CFAP54: variants seen among roughly 807,000 people sequenced by gnomAD.
CFAP54 encodes the protein cilia and flagella associated protein 54.
CFAP54 carries 290 observed loss-of-function variants against 370.4 expected under a neutral mutation model. The observed-to-expected ratio is 0.78, with a 90% CI of 0.71 to 0.86. The LOEUF (loss-of-function observed/expected upper bound fraction) is 0.86. Among genes scored for constraint, CFAP54 ranks in the 40% least tolerant of loss-of-function variants. The pLI, the probability that CFAP54 is intolerant of heterozygous loss-of-function variation, is 0.00. For missense variants in CFAP54, 3,399 were observed against 3,528.7 expected (o/e 0.96, Z 0.93); for synonymous variants, 1,206 against 1,236.5 (o/e 0.98, Z 0.52).
In CFAP54 at chr12:96,724,410, A is replaced by G. The variant is rs1386672433; in HGVS notation, c.6965+3845A>G. ...GTATCTCATTGTGGTTTTGATTTGC[A>G]TTTTTCTGATGGCCAGTGATGATGA... On this transcript the variant is annotated intron_variant, in intron 50 of 67. Transcript: ENST00000524981. Among the ~76,000 whole-genome samples the G allele has an allele frequency of 1.1e-4, 16 of 151,708 alleles. No individual in the cohort carries two copies. In the South Asian group the frequency reaches 2.1e-3, roughly 20 times the overall value.
intron 39 of CFAP54, among the ~76,000 whole-genome samples, chr12:96,664,769 ATC>A (rs1478603239): frequency 0.33 from 12,770 of 38,138 alleles, 1,135 homozygotes; most frequent in Admixed American, 0.37. Context: ...ATATATCTAT[ATC>A]TATATCTATA....
intron 65 of CFAP54, among the ~76,000 whole-genome samples, chr12:96,828,036 T>C (rs1233276497): frequency 7.9e-6 from 1 of 126,878 alleles, no homozygotes. Flanking sequence ...TAATATATAA[T>C]ATATAATTAT....
intron 19 of CFAP54, among the ~76,000 whole-genome samples, chr12:96,568,898 A>G (rs1955886661): frequency 6.7e-6 from 1 of 150,332 alleles, no homozygotes. Context: ...TCCAAGTGAG[A>G]TGACTGGCTT....
chr12:96,597,290 C>T (rs1956190313), intron 25 of CFAP54, among the ~76,000 whole-genome samples: 1 of 151,892 alleles, frequency 6.6e-6, no homozygotes, highest in African/African-American at 2.4e-5. Context: ...CTAGTTCCAC[C>T]TCTTGGTTCC....
intron 26 of CFAP54, among the ~76,000 whole-genome samples, chr12:96,613,936 AAGG>A (rs202092549): frequency 0.096 from 14,580 of 152,184 alleles, 842 homozygotes; most frequent in South Asian, 0.24. Flanking sequence ...CCAGAGGTAC[AAGG>A]AGGAGCGGGT....
intron 20 of CFAP54, among the ~76,000 whole-genome samples, chr12:96,579,465 C>T (rs1033593386): frequency 6.6e-6 from 1 of 152,156 alleles, no homozygotes; most frequent in East Asian, 1.9e-4. Flanking sequence ...TTGAGAACCA[C>T]TTGTGTCAAT....
intron 67 of CFAP54, among the ~76,000 whole-genome samples, chr12:96,865,563 A>T (rs1039551494): frequency 6.6e-6 from 1 of 152,178 alleles, no homozygotes; most frequent in Non-Finnish European, 1.5e-5. Flanking sequence ...GATGAAATCT[A>T]GGGAAAATGC....
intron 32 of CFAP54, among the ~76,000 whole-genome samples, chr12:96,638,513 C>A (rs369292200): frequency 6.6e-6 from 1 of 152,060 alleles, no homozygotes; most frequent in African/African-American, 2.4e-5. Flanking sequence ...GCTGGGATTA[C>A]AGGCATGAGC....
At chr12:96,675,683 C>A (rs1178589036) in intron 39 of CFAP54, among the ~76,000 whole-genome samples, 1 of 152,064 alleles carries the variant, frequency 6.6e-6, no homozygotes, top group Non-Finnish European at 1.5e-5. Flanking sequence ...GACTTGGAAC[C>A]AAGCCAAATA....
At chr12:96,658,742 T>A (rs1956954618) in intron 38 of CFAP54, among the ~76,000 whole-genome samples, 1 of 151,970 alleles carries the variant, frequency 6.6e-6, no homozygotes, top group Non-Finnish European at 1.5e-5. Flanking sequence ...ATTCAGTCTG[T>A]GGCTCTAAGT....
At chr12:96,693,504 G>A (rs1957410469) in intron 44 of CFAP54, among the ~76,000 whole-genome samples, 1 of 152,086 alleles carries the variant, frequency 6.6e-6, no homozygotes, top group South Asian at 2.1e-4. Flanking sequence ...GCATCTACTG[G>A]GAACTGTAAG....
At chr12:96,771,829 C>G (rs572486478) in intron 60 of CFAP54, among the ~76,000 whole-genome samples, 2 of 152,194 alleles carry the variant, frequency 1.3e-5, no homozygotes, top group African/African-American at 4.8e-5. Context: ...CAAAGGGATC[C>G]TTCTCCATGC....
chr12:96,858,030 G>A lies in CFAP54; in HGVS notation c.9172-2789G>A, dbSNP rs945761916. Among the ~76,000 whole-genome samples, 14 of 152,148 alleles carry A rather than the reference G, an allele frequency of 9.2e-5. 1 individual carries two copies. Among genetic ancestry groups the A allele is most frequent in the Admixed American group, 9.2e-4 (14 of 15,274 alleles). On this transcript the variant is annotated intron_variant, in intron 66 of 67. Coordinates refer to ENST00000524981, the MANE Select transcript of CFAP54 (RefSeq NM_001306084.2). Reference sequence around the variant, plus strand: ...TTTCTCTGGGTATATAACCAGTAATGGGATTACTGGGTCTAATGATAGTTC... The same window carrying A: ...TTTCTCTGGGTATATAACCAGTAATAGGATTACTGGGTCTAATGATAGTTC...
intron 39 of CFAP54, among the ~76,000 whole-genome samples, chr12:96,679,086 G>A (rs1311386335): frequency 2.0e-5 from 3 of 152,068 alleles, no homozygotes; most frequent in African/African-American, 7.2e-5. Context: ...GCACTTTTCA[G>A]GACAGTTAGT....
At chr12:96,788,064 A>G (rs1470132065) in intron 62 of CFAP54, among the ~76,000 whole-genome samples, 1 of 152,076 alleles carries the variant, frequency 6.6e-6, no homozygotes, top group Non-Finnish European at 1.5e-5. Flanking sequence ...TATTTAAGAA[A>G]GAGGTGATGA....
intron 39 of CFAP54, among the ~76,000 whole-genome samples, chr12:96,671,005 A>G (rs572265103): frequency 1.3e-4 from 20 of 152,128 alleles, no homozygotes; most frequent in African/African-American, 4.8e-4. Context: ...ATTTAGATGA[A>G]GTCTTGCTCC....
Position 96,572,895 on chromosome 12 carries a change from T to TA in CFAP54, c.2620-3689dup, listed in dbSNP as rs1383226979. On this transcript the variant is annotated intron_variant, in intron 19 of 67. Coordinates refer to ENST00000524981, the MANE Select transcript of CFAP54 (RefSeq NM_001306084.2). ...ATGGCAGAACACAGAAAGTTTTTTT[T>TA]ACCTCAGTTGGATTCATTGATGTGC... 7.5e-5 allele frequency: 74 copies of TA among 985,450 alleles called. No homozygotes were observed. The South Asian group carries it at 3.1e-3, about 41-fold the overall frequency. The allele number at this position is 985,450 out of a possible 1,614,324, so 61.0% of individuals were successfully genotyped here.
intron 9 of CFAP54, among the ~76,000 whole-genome samples, chr12:96,531,127 A>C (rs1301825744): frequency 6.6e-6 from 1 of 151,930 alleles, no homozygotes; most frequent in Non-Finnish European, 1.5e-5. Flanking sequence ...TCTCCTCATC[A>C]TTACTTCCCA....
intron 15 of CFAP54, among the ~76,000 whole-genome samples, chr12:96,552,246 C>CAAAAAAAAAAAAAAAAAAA (rs374756712): frequency 2.4e-5 from 1 of 40,980 alleles, no homozygotes; most frequent in Non-Finnish European, 5.7e-5. Context: ...AACTACATCT[C>CAAAAAAAAAAAAAAAAAAA]AAAAAAAAAA....
Sources: gnomAD v4.1 joint callset for allele counts (sites outside exome capture counted in the v4.1 genomes callset) on GRCh38, gnomAD v4.1.1 for gene constraint, MANE v1.5 for transcripts, NCBI Gene and HGNC (gene_info 2026-07-23, HGNC 2026-07-21) for gene names.